Variants in PIK3CB observed in about 807,000 individuals in gnomAD.
The protein encoded by PIK3CB is phosphatidylinositol-4,5-bisphosphate 3-kinase catalytic subunit beta.
In PIK3CB, 39 loss-of-function variants were observed where a neutral mutation model predicts 136.8. The ratio of observed to expected loss-of-function variants is 0.29; its 90% confidence interval spans 0.22 to 0.37. The LOEUF is 0.37. PIK3CB is among the 10% of genes least tolerant of loss of function. The pLI, the probability that PIK3CB is intolerant of heterozygous loss-of-function variation, is 1.00. For missense variants in PIK3CB, 868 were observed against 1,275.4 expected, an observed-to-expected ratio of 0.68 and a Z score of 4.87; for synonymous variants, 428 against 436.6, an observed-to-expected ratio of 0.98 and a Z score of 0.25.
chr3:138,746,888 G>A lies in PIK3CB; in HGVS notation c.398-4107C>T, dbSNP rs1037642614. ...CATTTTTACTCTGAGATAAAAAGGT[G>A]ATTCACAAAAAGTGCAAGGTTTAGC... On this transcript the variant is annotated intron_variant, in intron 4 of 23. Transcript: ENST00000674063. 6.7e-5 allele frequency among the ~76,000 whole-genome samples: 10 copies of A among 150,332 alleles called. No individual in the cohort carries two copies. In the East Asian group the frequency reaches 2.0e-3, roughly 29 times the overall value.
chr3:138,718,137 T>C (rs1005018742), intron 8 of PIK3CB, among the ~76,000 whole-genome samples: 1 of 152,216 alleles, frequency 6.6e-6, no homozygotes, highest in African/African-American at 2.4e-5. Flanking sequence ...GTTGAACTAA[T>C]TTACACTCCC....
At chr3:138,671,391 G>A (rs2043529427) in intron 19 of PIK3CB, among the ~76,000 whole-genome samples, 2 of 152,080 alleles carry the variant, frequency 1.3e-5, no homozygotes, top group African/African-American at 2.4e-5. Context: ...GAACAAAGTC[G>A]ATCACACGTC....
chr3:138,794,278 A>G (rs2046085191), intron 2 of PIK3CB, among the ~76,000 whole-genome samples: 1 of 152,106 alleles, frequency 6.6e-6, no homozygotes, highest in Non-Finnish European at 1.5e-5. Flanking sequence ...TGAGTTTTTA[A>G]GCATAAAAGT....
intron 2 of PIK3CB, among the ~76,000 whole-genome samples, chr3:138,773,208 C>G (rs978181230): frequency 2.0e-5 from 3 of 151,928 alleles, no homozygotes; most frequent in African/African-American, 7.3e-5. Flanking sequence ...CAAGACCAGC[C>G]TGGCCAACAT....
chr3:138,710,500 A>AAAAAAG (rs2044474974), intron 10 of PIK3CB, among the ~76,000 whole-genome samples: 1 of 152,226 alleles, frequency 6.6e-6, no homozygotes, highest in Admixed American at 6.5e-5. Flanking sequence ...TAAAGACAGG[A>AAAAAAG]AAAAAGAAAA....
chr3:138,823,039 C>T (rs1448621546), intron 1 of PIK3CB, among the ~76,000 whole-genome samples: 1 of 150,560 alleles, frequency 6.6e-6, no homozygotes. Context: ...TTTATCACTG[C>T]AGAAAAACGT....
intron 19 of PIK3CB, among the ~76,000 whole-genome samples, chr3:138,681,041 G>GTTTTTT (rs533702208): frequency 7.1e-5 from 9 of 127,346 alleles, no homozygotes; most frequent in South Asian, 2.6e-4. Flanking sequence ...TTTCATGTTA[G>GTTTTTT]TTTTTTTTTT....
chr3:138,799,110 T>C lies in PIK3CB; in HGVS notation c.-121-2543A>G, dbSNP rs577185629. On this transcript the variant is annotated intron_variant, in intron 1 of 23. Coordinates refer to ENST00000674063, the MANE Select transcript of PIK3CB (RefSeq NM_006219.3). ...GGTGGTGTATGCCTATAATCCCAGC[T>C]ACTCGGGAGGCTGAGGCTATGCTGT... is the stretch of plus-strand genomic sequence containing the variant. Among the ~76,000 whole-genome samples the C allele has an allele frequency of 2.6e-5, 4 of 151,680 alleles. No individual in the cohort carries two copies. In the South Asian group the frequency reaches 8.4e-4, roughly 32 times the overall value.
intron 19 of PIK3CB, among the ~76,000 whole-genome samples, chr3:138,678,194 G>A (rs1382925806): frequency 2.0e-5 from 3 of 152,030 alleles, no homozygotes; most frequent in African/African-American, 7.2e-5. Context: ...AAGCTGAGGT[G>A]AGAGGATTGC....
chr3:138,755,082 T>A (rs1024529824), intron 4 of PIK3CB, among the ~76,000 whole-genome samples: 2 of 152,236 alleles, frequency 1.3e-5, no homozygotes, highest in African/African-American at 4.8e-5. Flanking sequence ...ACATGATATT[T>A]CCTGACTCTC....
intron 8 of PIK3CB, among the ~76,000 whole-genome samples, chr3:138,732,534 CA>C (rs2045005687): frequency 1.3e-5 from 2 of 152,042 alleles, no homozygotes; most frequent in Admixed American, 1.3e-4. Context: ...TCCTACCCAG[CA>C]AATTAGGGAA....
At chr3:138,695,332 T>C (rs1044040015) in intron 13 of PIK3CB, among the ~76,000 whole-genome samples, 1 of 152,122 alleles carries the variant, frequency 6.6e-6, no homozygotes, top group African/African-American at 2.4e-5. Context: ...CTATGGCAAA[T>C]AGATGGCAGT....
At chr3:138,685,902 T>G (rs1027277543) in intron 16 of PIK3CB, among the ~76,000 whole-genome samples, 1 of 152,128 alleles carries the variant, frequency 6.6e-6, no homozygotes, top group African/African-American at 2.4e-5. Context: ...TTTGGGAAAC[T>G]GAGGCAAGTG....
chr3:138,822,610 G>A (rs1933604543), intron 1 of PIK3CB, among the ~76,000 whole-genome samples: 1 of 150,258 alleles, frequency 6.7e-6, no homozygotes, highest in Non-Finnish European at 1.5e-5. Flanking sequence ...GGGAGGCTGA[G>A]GTGGGTGGAT....
intron 21 of PIK3CB, among the ~76,000 whole-genome samples, chr3:138,661,545 T>C (rs1225334499): frequency 6.6e-6 from 1 of 152,240 alleles, no homozygotes; most frequent in Non-Finnish European, 1.5e-5. Context: ...TTCCTTATTA[T>C]TGTTTTAGAG....
chr3:138,828,377 G>C (rs1435123113), intron 1 of PIK3CB, among the ~76,000 whole-genome samples: 1 of 151,420 alleles, frequency 6.6e-6, no homozygotes, highest in Non-Finnish European at 1.5e-5. Flanking sequence ...AGTAGAGACG[G>C]GTTTTCACGG....
chr3:138,713,964 A>G (rs1242774221), intron 9 of PIK3CB, among the ~76,000 whole-genome samples: 1 of 152,234 alleles, frequency 6.6e-6, no homozygotes, highest in African/African-American at 2.4e-5. Flanking sequence ...TGATAGTCAC[A>G]TTTAGTGTGA....
chr3:138,748,879 C>T (rs560395396), intron 4 of PIK3CB, among the ~76,000 whole-genome samples: 2 of 152,254 alleles, frequency 1.3e-5, no homozygotes, highest in Admixed American at 1.3e-4. Flanking sequence ...TTAATCTATA[C>T]TATACTATTT....
intron 1 of PIK3CB, among the ~76,000 whole-genome samples, chr3:138,826,772 A>C (rs1338603892): frequency 6.6e-6 from 1 of 152,188 alleles, no homozygotes; most frequent in Non-Finnish European, 1.5e-5. Context: ...TTGTCTAATT[A>C]AACTAAAAAT....
Sources: gnomAD v4.1 joint callset for allele counts (sites outside exome capture counted in the v4.1 genomes callset) on GRCh38, gnomAD v4.1.1 for gene constraint, MANE v1.5 for transcripts, NCBI Gene and HGNC (gene_info 2026-07-23, HGNC 2026-07-21) for gene names.